The following TTL variants were observed in gnomAD, a reference collection of about 807,000 sequenced individuals.
TTL encodes the protein tubulin--tyrosine ligase.
Under a neutral mutation model 41.1 loss-of-function variants are expected in TTL, and 10 were observed. That is an observed-to-expected ratio of 0.24 (90% CI 0.15 to 0.41). The LOEUF is 0.41. Ranked by LOEUF, TTL falls within the 10% of genes least tolerant of loss-of-function variation. The probability of loss-of-function intolerance (pLI) is 1.00; values close to 1 mark genes in which losing one functional copy is unlikely to be tolerated. For synonymous variants in TTL, 175 were observed against 175.5 expected (o/e 1.00, Z 0.02); for missense variants, 367 against 460.4 (o/e 0.80, Z 1.86).
chr2:112,485,370 C>T (rs1412995544), intron 1 of TTL, among the ~76,000 whole-genome samples: 2 of 152,194 alleles, frequency 1.3e-5, no homozygotes, highest in African/African-American at 4.8e-5. Context: ...TGGAATGCGG[C>T]ACAGAAGAAA....
chr2:112,539,876 T>G lies in TTL; in HGVS notation c.*11081T>G, dbSNP rs1033451325. 1.3e-5 allele frequency: 2 copies of G among 152,178 alleles called. No individual in the cohort carries two copies. Among genetic ancestry groups the G allele is most frequent in the African/African-American group, 4.8e-5 (2 of 41,426 alleles). 9.4% of individuals were successfully genotyped at this position (152,178 alleles called of 1,614,324 possible). ...CAAAACTCAATGGTATTTCTACATA[T>G]TACAAACAATTTGAAGTTAAGAAAA... is the stretch of plus-strand genomic sequence containing the variant. On this transcript the variant is annotated 3_prime_UTR_variant, in exon 7 of 7. Transcript: ENST00000233336.
At chr2:112,485,322 C>T (rs1681212662) in intron 1 of TTL, among the ~76,000 whole-genome samples, 1 of 152,120 alleles carries the variant, frequency 6.6e-6, no homozygotes, top group Non-Finnish European at 1.5e-5. Context: ...TAAAAAAAAG[C>T]CACATGTAAT....
At position 112,534,617 on chromosome 2, in the gene TTL, G is replaced by T. The variant is rs1252538699; in HGVS notation, c.*5822G>T. The T allele has an allele frequency of 1.3e-5, 2 of 152,186 alleles. No homozygotes were observed. The highest frequency in any genetic ancestry group is 2.9e-5 in the Non-Finnish European group (2 of 68,034). 9.4% of individuals were successfully genotyped at this position (152,186 alleles called of 1,614,324 possible). ...TTTGATGTGACTAAGAGGTTACCCA[G>T]TGTGAACAACCTTTTCCCTGGGTGC... On this transcript the variant is annotated 3_prime_UTR_variant, in exon 7 of 7. Transcript: ENST00000233336.
intron 5 of TTL, among the ~76,000 whole-genome samples, chr2:112,516,210 C>T (rs557822116): frequency 1.4e-4 from 22 of 152,194 alleles, no homozygotes; most frequent in Middle Eastern, 6.8e-3. Flanking sequence ...ATAAGTATTT[C>T]AGTTTATTCC....
chr2:112,520,642 A>C, intron 6 of TTL: 4 of 546,614 alleles, frequency 7.3e-6, no homozygotes, highest in Non-Finnish European at 1.3e-5. Context: ...GTGGTAGCTC[A>C]TGCTTGTAAT....
At chr2:112,526,410 C>T (rs1682373525) in intron 6 of TTL, among the ~76,000 whole-genome samples, 1 of 152,198 alleles carries the variant, frequency 6.6e-6, no homozygotes, top group Non-Finnish European at 1.5e-5. Context: ...GTGAATCCAT[C>T]TGGTCCTGGA....
intron 5 of TTL, among the ~76,000 whole-genome samples, chr2:112,517,874 A>T (rs928218189): frequency 5.3e-5 from 8 of 151,232 alleles, no homozygotes; most frequent in Non-Finnish European, 1.2e-4. Flanking sequence ...GAGCTCGGGG[A>T]GGTCAAGGCT....
At chr2:112,527,281 T>C (rs1207338729) in intron 6 of TTL, among the ~76,000 whole-genome samples, 1 of 152,236 alleles carries the variant, frequency 6.6e-6, no homozygotes, top group African/African-American at 2.4e-5. Flanking sequence ...GAGAAGGATG[T>C]AGATTCTGTT....
chr2:112,488,757 T>TAAA (rs199534560), intron 2 of TTL, among the ~76,000 whole-genome samples: 1 of 119,378 alleles, frequency 8.4e-6, no homozygotes. Flanking sequence ...GACTCCTTCT[T>TAAA]AAAAAAAAAG....
At chr2:112,502,332 A>C (rs1681723409) in intron 4 of TTL, among the ~76,000 whole-genome samples, 1 of 152,140 alleles carries the variant, frequency 6.6e-6, no homozygotes, top group Non-Finnish European at 1.5e-5. Context: ...TCATAGGTTA[A>C]CCTTAAAATC....
chr2:112,521,308 A>T (rs555775888), intron 6 of TTL: 1 of 985,386 alleles, frequency 1.0e-6, no homozygotes, highest in Non-Finnish European at 1.2e-6. Flanking sequence ...TGGTTGTAGC[A>T]TGAGCGTCAT....
chr2:112,522,932 C>G (rs1268011957), intron 6 of TTL, among the ~76,000 whole-genome samples: 1 of 152,156 alleles, frequency 6.6e-6, no homozygotes, highest in Non-Finnish European at 1.5e-5. Flanking sequence ...TGCTCTTGCC[C>G]CAGTGAAATC....
chr2:112,494,599 G>T (rs1286248769), intron 3 of TTL, among the ~76,000 whole-genome samples: 1 of 152,060 alleles, frequency 6.6e-6, no homozygotes, highest in Non-Finnish European at 1.5e-5. Flanking sequence ...ATCTCTAAAA[G>T]GCATTTCAAA....
intron 3 of TTL, among the ~76,000 whole-genome samples, chr2:112,499,653 C>G (rs867677257): frequency 6.6e-6 from 1 of 152,180 alleles, no homozygotes; most frequent in African/African-American, 2.4e-5. Context: ...AACTTCTGCT[C>G]TATGAAACAC....
At chr2:112,517,330 C>A (rs1291684052) in intron 5 of TTL, among the ~76,000 whole-genome samples, 1 of 152,086 alleles carries the variant, frequency 6.6e-6, no homozygotes, top group Admixed American at 6.5e-5. Context: ...TCATTTCAAC[C>A]TCTGCCTCCC....
intron 2 of TTL, among the ~76,000 whole-genome samples, chr2:112,490,478 A>G (rs1488163848): frequency 1.3e-5 from 2 of 152,184 alleles, no homozygotes; most frequent in Admixed American, 6.5e-5. Context: ...CATGTAACAC[A>G]TAATGCAATG....
intron 5 of TTL, among the ~76,000 whole-genome samples, chr2:112,510,785 T>C (rs1681900353): frequency 6.6e-6 from 1 of 152,226 alleles, no homozygotes; most frequent in Admixed American, 6.5e-5. Flanking sequence ...CAGATTTTGC[T>C]GTTTTCATTT....
Position 112,536,165 on chromosome 2 carries a change from A to C in TTL, c.*7370A>C, listed in dbSNP as rs983946304. 4 of 152,212 alleles carry C rather than the reference A, an allele frequency of 2.6e-5. No individual in the cohort carries two copies. The East Asian group carries it at 5.8e-4, about 22-fold the overall frequency. The allele number at this position is 152,212 out of a possible 1,614,324, so 9.4% of individuals were successfully genotyped here. A position where few individuals can be genotyped will look rare whatever the true frequency, so the allele number is the denominator to read the frequency against. The stretch of plus-strand genomic sequence containing the variant: ...TCCATTCATCTGCTGATGGACACTT[A>C]GGTCGCTTCCAAATCTTGGCTATTG... On this transcript the variant is annotated 3_prime_UTR_variant, in exon 7 of 7. Transcript: ENST00000233336.
At chr2:112,520,240 G>T in intron 5 of TTL, 42 bp from the exon 6 acceptor site, 1 of 1,596,868 alleles carries the variant, frequency 6.3e-7, no homozygotes, top group South Asian at 1.1e-5. Flanking sequence ...CTTCTCCTTT[G>T]ACCACCCCGT....
Sources: allele counts gnomAD v4.1 joint callset (sites outside exome capture counted in the v4.1 genomes callset), GRCh38; gene constraint gnomAD v4.1.1; transcripts MANE v1.5; gene names NCBI Gene and HGNC (gene_info 2026-07-23, HGNC 2026-07-21).